ADCK2: variants seen among roughly 807,000 people sequenced by gnomAD.
ADCK2 encodes uncharacterized aarF domain-containing protein kinase 2.
Under a neutral mutation model 52.3 loss-of-function variants are expected in ADCK2, and 37 were observed. The observed-to-expected ratio is 0.71, with a 90% CI of 0.54 to 0.93. ADCK2 has a LOEUF of 0.93. Ranked by LOEUF, ADCK2 falls within the 40% of genes least tolerant of loss-of-function variation. The pLI is 0.00. For synonymous variants in ADCK2, 321 were observed against 349.2 expected (o/e 0.92, Z 0.90); for missense variants, 695 against 798.7 (o/e 0.87, Z 1.56).
Position 140,673,532 on chromosome 7 carries a change from C to G in ADCK2, c.202C>G (p.Arg68Gly). 1 of 1,599,810 alleles carries G rather than the reference C, an allele frequency of 6.3e-7. No homozygotes were observed. Among genetic ancestry groups the G allele is most frequent in the Non-Finnish European group, 8.5e-7 (1 of 1,176,556 alleles). The change falls in exon 1 of 8, where the codon CGA becomes GGA. Residue 68 changes from arginine (R) to glycine (G), a missense_variant. Physicochemically the swap from Arg to Gly is moderately radical, Grantham distance 125. Transcript: ENST00000072869. This position sits in a 1 kb window ranked among gnomAD's most constrained non-coding sequence, Gnocchi z 6.4. ...GEGAPDVLSRRRVRCSGAAGA... is the reference protein window; with the variant it reads ...GEGAPDVLSRGRVRCSGAAGA... The stretch of plus-strand genomic sequence containing the variant: ...GGGGGCCCCTGACGTTCTGAGTCGG[C>G]GAAGGGTCCGCTGCAGCGGGGCGGC...
rs775080930 is a variant in ADCK2, at chr7:140,673,984, C to T, written c.654C>T (p.Tyr218=). The T allele has an allele frequency of 4.3e-6, 7 of 1,613,950 alleles. No individual in the cohort carries two copies. Among genetic ancestry groups the T allele is most frequent in the Admixed American group, 1.7e-5 (1 of 60,006 alleles). ...GCGTGGCCCAGGTGTACAAAGCATA[C>T]GCCAACACTGCCTTCCTGGAGACTG... ...SGCVAQVYKA[Y]ANTAFLETDS... is the part of the protein sequence containing the mutation. Residue 218 remains tyrosine, a synonymous_variant, in exon 1 of 8, where the codon TAC becomes TAT. Transcript: ENST00000072869. This position sits in a 1 kb window ranked among gnomAD's most constrained non-coding sequence, Gnocchi z 6.4.
chr7:140,677,217 G>A (rs1266889318), intron 2 of ADCK2, among the ~76,000 whole-genome samples: 1 of 152,104 alleles, frequency 6.6e-6, no homozygotes, highest in African/African-American at 2.4e-5. Flanking sequence ...AGACCAGCCT[G>A]GCCAACATGG....
intron 7 of ADCK2, 122 bp downstream of exon 7, chr7:140,690,935 CT>C: frequency 1.4e-4 from 130 of 916,312 alleles, no homozygotes; most frequent in Middle Eastern, 3.6e-4. Context: ...TGTTGTTTTT[CT>C]TTTTTTTGAG....
chr7:140,675,440 G>A (rs1794385537), intron 2 of ADCK2, among the ~76,000 whole-genome samples: 1 of 152,192 alleles, frequency 6.6e-6, no homozygotes, highest in South Asian at 2.1e-4. Context: ...CCACCGTACG[G>A]TCAAGAGAGG....
Position 140,694,670 on chromosome 7 carries a change from T to C in ADCK2, c.1748T>C (p.Leu583Pro). 1 of 1,613,960 alleles carries C rather than the reference T, an allele frequency of 6.2e-7. No homozygotes were observed. Among genetic ancestry groups the C allele is most frequent in the Non-Finnish European group, 8.5e-7 (1 of 1,179,866 alleles). The change falls in exon 8 of 8, where the codon CTT becomes CCT. Residue 583 changes from leucine to proline, a missense_variant. Coordinates refer to ENST00000072869, the MANE Select transcript of ADCK2 (RefSeq NM_052853.4). ...FKLLMTHKVK[L>P]ESNFASIVFA... is the part of the protein sequence containing the mutation. ...TCTGTTTTTCTGTTCCAGGTAAAGC[T>C]TGAGAGCAACTTTGCCTCCATTGTG...
rs769508886 is a variant in ADCK2 at position 140,674,091 on chromosome 7, T to C, written c.761T>C (p.Phe254Ser). 1 of 1,614,060 alleles carries C rather than the reference T, an allele frequency of 6.2e-7. No homozygotes were observed. Among genetic ancestry groups the C allele is most frequent in the South Asian group, 1.1e-5 (1 of 91,050 alleles). The change falls in exon 1 of 8, where the codon TTT becomes TCT. Residue 254 changes from phenylalanine (F) to serine (S), a missense_variant. By Grantham distance (155) the Phe-to-Ser change is radical (BLOSUM62 -2). Transcript: ENST00000072869. This position sits in a 1 kb window ranked among gnomAD's most constrained non-coding sequence, Gnocchi z 4.6. ...TGAVGGLREL[F>S]GYLGNGRKPP... Reference sequence around the variant, plus strand: ...GCAGTCGGTGGGCTGAGAGAGCTCTTTGGATACCTTGGAAATGGCCGGAAA... The same window carrying C: ...GCAGTCGGTGGGCTGAGAGAGCTCTCTGGATACCTTGGAAATGGCCGGAAA...
In ADCK2 at chr7:140,674,711, G is replaced by A; in HGVS notation, c.1034G>A (p.Ser345Asn). The A allele has an allele frequency of 6.2e-7, 1 of 1,614,166 alleles. No individual in the cohort carries two copies. Among genetic ancestry groups the A allele is most frequent in the Non-Finnish European group, 8.5e-7 (1 of 1,180,026 alleles). ...LGVLPGIKWL[S>N]LPEIVEEFEK... ...GTTTTGCCAGGCATCAAGTGGCTTA[G>A]CTTGCCTGAGATTGTGGAGGAATTT... The change falls in exon 2 of 8, where the codon AGC becomes AAC. Residue 345 changes from serine to asparagine, a missense_variant. By Grantham distance (46) the Ser-to-Asn change is conservative. Coordinates refer to ENST00000072869, the MANE Select transcript of ADCK2 (RefSeq NM_052853.4). This position sits in a 1 kb window ranked among gnomAD's most constrained non-coding sequence, Gnocchi z 4.6.
At chr7:140,689,547 C>T in intron 5 of ADCK2, 50 bp from the exon 6 acceptor site, 1 of 1,527,078 alleles carries the variant, frequency 6.5e-7, no homozygotes, top group Non-Finnish European at 8.8e-7. Context: ...GCACCGCATC[C>T]AGGTTTATGC....
In ADCK2 at chr7:140,678,006, G is replaced by A. The variant is rs1462053983; in HGVS notation, c.1081-1149G>A. On this transcript the variant is annotated intron_variant, in intron 2 of 7. Transcript: ENST00000072869. This position sits in a 1 kb window ranked among gnomAD's most constrained non-coding sequence, Gnocchi z 4.9. Reference sequence around the variant, plus strand: ...AGATGGACCTGGACAGAGAAGTAGGGGCCAAATCATGACCCACCTGGATGC... The same window carrying A: ...AGATGGACCTGGACAGAGAAGTAGGAGCCAAATCATGACCCACCTGGATGC... Among the ~76,000 whole-genome samples the A allele has an allele frequency of 6.6e-6, 1 of 152,124 alleles. No individual in the cohort carries two copies. The highest frequency in any genetic ancestry group is 1.5e-5 in the Non-Finnish European group (1 of 68,018).
At chr7:140,680,736 C>T (rs541978986) in intron 3 of ADCK2, among the ~76,000 whole-genome samples, 1 of 152,250 alleles carries the variant, frequency 6.6e-6, no homozygotes, top group African/African-American at 2.4e-5. Context: ...CTCTGTCACT[C>T]AGGCTAGAGT....
At position 140,674,475 on chromosome 7, in the gene ADCK2, C is replaced by T. The variant is rs1283867764; in HGVS notation, c.934-136C>T. ...AACTGAGTCTGGAGTGAACTAACTG[C>T]TTGGGTGTCGGGACCACATCCTCTT... On this transcript the variant is annotated intron_variant, in intron 1 of 7. Transcript: ENST00000072869. This position sits in a 1 kb window ranked among gnomAD's most constrained non-coding sequence, Gnocchi z 4.6. The T allele has an allele frequency of 2.0e-5, 24 of 1,200,514 alleles. No individual in the cohort carries two copies. The highest frequency in any genetic ancestry group is 2.9e-4 in the Middle Eastern group (1 of 3,478). The allele number at this position is 1,200,514 out of a possible 1,614,324, so 74.4% of individuals were successfully genotyped here. A position where few individuals can be genotyped will look rare whatever the true frequency, so the allele number is the denominator to read the frequency against.
At chr7:140,690,866 G>A (rs904541299) in intron 7 of ADCK2, 53 bp downstream of exon 7, 62 of 1,518,520 alleles carry the variant, frequency 4.1e-5, no homozygotes, top group Non-Finnish European at 5.3e-5. Context: ...GGGGCAGGGA[G>A]GAATGGGAGG....
intron 6 of ADCK2, 51 bp from the exon 7 acceptor site, chr7:140,690,709 C>T (rs756739449): frequency 8.3e-6 from 13 of 1,560,798 alleles, no homozygotes; most frequent in African/African-American, 4.1e-5. Context: ...GGGAAATGAG[C>T]GGTTCTGGAA....
chr7:140,689,584 T>A lies in ADCK2; in HGVS notation c.1558-13T>A. On this transcript the variant is annotated splice_polypyrimidine_tract_variant and intron_variant, in intron 5 of 7. Coordinates refer to ENST00000072869, the MANE Select transcript of ADCK2 (RefSeq NM_052853.4). ...AGCTCCACTCCAAGTCCCTTTTCCG[T>A]TGCATTTTCCAGGGCCAGAGAGTGG... 1 of 1,585,532 alleles carries A rather than the reference T, an allele frequency of 6.3e-7. No individual in the cohort carries two copies. The highest frequency in any genetic ancestry group is 1.1e-5 in the South Asian group (1 of 88,462).
chr7:140,689,577 T>C lies in ADCK2; in HGVS notation c.1558-20T>C. On this transcript the variant is annotated intron_variant, in intron 5 of 7. Coordinates refer to ENST00000072869, the MANE Select transcript of ADCK2 (RefSeq NM_052853.4). ...TTATGCTAGCTCCACTCCAAGTCCCTTTTCCGTTGCATTTTCCAGGGCCAG... is the reference window on the plus strand; with the variant it reads ...TTATGCTAGCTCCACTCCAAGTCCCCTTTCCGTTGCATTTTCCAGGGCCAG... The C allele has an allele frequency of 1.3e-6, 2 of 1,579,374 alleles. No homozygotes were observed. The highest frequency in any genetic ancestry group is 1.4e-5 in the African/African-American group (1 of 73,908).
chr7:140,683,818 G>A (rs1028823660), intron 4 of ADCK2, among the ~76,000 whole-genome samples: 2 of 152,148 alleles, frequency 1.3e-5, no homozygotes, highest in Non-Finnish European at 2.9e-5. Flanking sequence ...CAGAGTGCAG[G>A]GACAGCCGTC....
intron 5 of ADCK2, among the ~76,000 whole-genome samples, chr7:140,687,997 G>A (rs571991071): frequency 1.3e-5 from 2 of 151,898 alleles, no homozygotes; most frequent in South Asian, 4.2e-4. Flanking sequence ...AGGACTACAG[G>A]CTGGGCAGGG....
chr7:140,676,595 C>T (rs1408502357), intron 2 of ADCK2, among the ~76,000 whole-genome samples: 2 of 152,218 alleles, frequency 1.3e-5, no homozygotes. Flanking sequence ...AAAATCAGCT[C>T]TTCCTACTAA....
intron 4 of ADCK2, among the ~76,000 whole-genome samples, chr7:140,686,416 G>C (rs1467368071): frequency 2.0e-5 from 3 of 152,308 alleles, no homozygotes; most frequent in African/African-American, 7.2e-5. Flanking sequence ...GAGTAGCTGG[G>C]ATTACAGGCA....
Sources: gnomAD v4.1 joint callset for allele counts (sites outside exome capture counted in the v4.1 genomes callset) on GRCh38, gnomAD v4.1.1 for gene constraint, Gnocchi (gnomAD v3.1) non-coding constraint, MANE v1.5 for transcripts, NCBI Gene and HGNC (gene_info 2026-07-23, HGNC 2026-07-21) for gene names.